The following TTC9 variants were observed in gnomAD, a reference collection of about 807,000 sequenced individuals.
TTC9 encodes the protein tetratricopeptide repeat domain 9.
TTC9 carries 13 observed loss-of-function variants against 22.9 expected under a neutral mutation model. That is an observed-to-expected ratio of 0.57 (90% CI 0.37 to 0.90). The LOEUF is 0.90. Ranked by LOEUF, TTC9 falls within the 40% of genes least tolerant of loss-of-function variation. The pLI is 0.01. For missense variants in TTC9, 280 were observed against 291.8 expected, an observed-to-expected ratio of 0.96 and a Z score of 0.29; for synonymous variants, 148 against 133.2, an observed-to-expected ratio of 1.11 and a Z score of -0.77.
At chr14:70,655,710 T>G (rs1460288714) in intron 1 of TTC9, among the ~76,000 whole-genome samples, 1 of 152,224 alleles carries the variant, frequency 6.6e-6, no homozygotes, top group Non-Finnish European at 1.5e-5. Context: ...CTCGACTTCC[T>G]GTTGCTGCTA....
intron 1 of TTC9, among the ~76,000 whole-genome samples, chr14:70,645,586 T>C (rs1885891223): frequency 6.6e-6 from 1 of 152,240 alleles, no homozygotes; most frequent in African/African-American, 2.4e-5. Context: ...GAAGGAAAGA[T>C]GATCACTGGT....
At chr14:70,659,878 A>C (rs189574476) in intron 1 of TTC9, among the ~76,000 whole-genome samples, 2 of 152,168 alleles carry the variant, frequency 1.3e-5, no homozygotes, top group East Asian at 1.9e-4. Flanking sequence ...ACTTACTAGC[A>C]TTGTGACTTT....
intron 1 of TTC9, among the ~76,000 whole-genome samples, chr14:70,648,582 T>C (rs771044212): frequency 5.9e-5 from 9 of 152,214 alleles, no homozygotes; most frequent in Non-Finnish European, 8.8e-5. Context: ...GAGCTTTCAC[T>C]GGTTGTGGGT....
rs1281010182 is a variant in TTC9, at chr14:70,642,337, G to C, written c.208G>C (p.Asp70His). 6 of 1,597,424 alleles carry C rather than the reference G, an allele frequency of 3.8e-6. No individual in the cohort carries two copies. The highest frequency in any genetic ancestry group is 2.3e-5 in the East Asian group (1 of 43,688). ...AAGCCAAGGGGCGCAGTGCTACAAG[G>C]ACAAGAAATTCCGTGAAGCCATAGG... ...FKSQGAQCYK[D>H]KKFREAIGKY... The change falls in exon 1 of 3, where the codon GAC (aspartate) becomes CAC (histidine). Residue 70 changes from aspartate (D) to histidine (H), a missense_variant. By Grantham distance (81) the Asp-to-His change is moderately conservative. Transcript: ENST00000256367.
intron 1 of TTC9, among the ~76,000 whole-genome samples, chr14:70,662,565 GAGC>G (rs1886159377): frequency 2.0e-5 from 3 of 152,208 alleles, no homozygotes; most frequent in Non-Finnish European, 4.4e-5. Flanking sequence ...TTTTGAAGAG[GAGC>G]CAGTGAAACA....
At chr14:70,652,966 A>T (rs769258485) in intron 1 of TTC9, among the ~76,000 whole-genome samples, 3 of 152,262 alleles carry the variant, frequency 2.0e-5, no homozygotes, top group Non-Finnish European at 4.4e-5. Flanking sequence ...GTAATGTGGC[A>T]TAATGGAAAC....
At chr14:70,643,561 T>C (rs1466799068) in intron 1 of TTC9, among the ~76,000 whole-genome samples, 1 of 152,164 alleles carries the variant, frequency 6.6e-6, no homozygotes, top group South Asian at 2.1e-4. Context: ...TCCTAGTTCC[T>C]GACATGTGAG....
intron 1 of TTC9, among the ~76,000 whole-genome samples, chr14:70,647,006 T>C (rs1030961225): frequency 1.2e-4 from 18 of 152,236 alleles, no homozygotes; most frequent in African/African-American, 4.3e-4. Context: ...AGCTTTTCTC[T>C]TTCTTTTGTT....
At chr14:70,643,671 T>G (rs978956194) in intron 1 of TTC9, among the ~76,000 whole-genome samples, 1 of 151,854 alleles carries the variant, frequency 6.6e-6, no homozygotes, top group African/African-American at 2.4e-5. Context: ...GAGGCAGTGG[T>G]GGGGGAGTAA....
At position 70,642,424 on chromosome 14, in the gene TTC9, C is replaced by T. The variant is rs771672160; in HGVS notation, c.295C>T (p.Arg99Trp). ...GLLPPPGERE[R>W]DSRPASPAGA... ...GCTGCCGCCCCCCGGGGAACGGGAG[C>T]GGGACTCGCGCCCGGCCTCCCCGGC... The change falls in exon 1 of 3, where the codon CGG (arginine) becomes TGG (tryptophan). Residue 99 changes from arginine (R) to tryptophan (W), a missense_variant. Arg to Trp is a moderately radical substitution (Grantham distance 101, BLOSUM62 -3). Coordinates refer to ENST00000256367, the MANE Select transcript of TTC9 (RefSeq NM_015351.2). 1.3e-6 allele frequency: 2 copies of T among 1,584,898 alleles called. No individual in the cohort carries two copies. Among genetic ancestry groups the T allele is most frequent in the Non-Finnish European group, 1.7e-6 (2 of 1,166,966 alleles).
At chr14:70,664,716 G>A (rs1462769148) in intron 1 of TTC9, among the ~76,000 whole-genome samples, 7 of 126,444 alleles carry the variant, frequency 5.5e-5, no homozygotes, top group African/African-American at 1.8e-4. Flanking sequence ...GCAATAGAGC[G>A]TGACTCCATT....
chr14:70,642,555 C>A lies in TTC9; in HGVS notation c.406+20C>A, dbSNP rs746680407. The A allele has an allele frequency of 3.9e-6, 6 of 1,527,802 alleles. No homozygotes were observed. The South Asian group carries it at 6.0e-5, about 15-fold the overall frequency. The allele number at this position is 1,527,802 out of a possible 1,614,324, so 94.6% of individuals were successfully genotyped here. ...TGGCAGGTGAGCCGCGCCGCGCCCC[C>A]CGCGCCGCGGTCCCCGTTCTTCGGC... On this transcript the variant is annotated intron_variant, in intron 1 of 2. Coordinates refer to ENST00000256367, the MANE Select transcript of TTC9 (RefSeq NM_015351.2).
intron 1 of TTC9, among the ~76,000 whole-genome samples, chr14:70,648,774 A>C (rs760354487): frequency 3.3e-5 from 5 of 152,240 alleles, no homozygotes; most frequent in Admixed American, 6.5e-5. Flanking sequence ...CGTTTCACCC[A>C]GATGATTAGT....
intron 1 of TTC9, among the ~76,000 whole-genome samples, chr14:70,645,098 C>T (rs1305884500): frequency 3.3e-5 from 5 of 151,688 alleles, no homozygotes; most frequent in Non-Finnish European, 5.9e-5. Flanking sequence ...GGCGACAGAA[C>T]GAGACTCTGT....
intron 1 of TTC9, among the ~76,000 whole-genome samples, chr14:70,655,360 C>T (rs1442016500): frequency 6.6e-6 from 1 of 151,376 alleles, no homozygotes; most frequent in Non-Finnish European, 1.5e-5. Flanking sequence ...CGCCACTGCT[C>T]TCCAAGCGTC....
intron 1 of TTC9, among the ~76,000 whole-genome samples, chr14:70,653,033 A>T (rs1041251725): frequency 6.6e-6 from 1 of 152,224 alleles, no homozygotes; most frequent in Non-Finnish European, 1.5e-5. Flanking sequence ...TTCTTCCTCC[A>T]TTAACCTTGG....
In TTC9 at chr14:70,646,180, G is replaced by A. The variant is rs185121312; in HGVS notation, c.406+3645G>A. ...CTGGCCAGTTGTGCTGGGCCCCTGG[G>A]TGTAATTTTTGCGTATCTTGTTTTC... On this transcript the variant is annotated intron_variant, in intron 1 of 2. Transcript: ENST00000256367. Among the ~76,000 whole-genome samples the A allele has an allele frequency of 3.3e-5, 5 of 152,292 alleles. No homozygotes were observed. The East Asian group carries it at 9.6e-4, about 29-fold the overall frequency.
At position 70,673,569 on chromosome 14, in the gene TTC9, C is replaced by T. The variant is rs61977961; in HGVS notation, c.*2414C>T. 8,259 of 151,432 alleles carry T rather than the reference C, an allele frequency of 0.055. 267 individuals are homozygous for T. The highest frequency in any genetic ancestry group is 0.06 in the South Asian group (288 of 4,764). 9.4% of individuals were successfully genotyped at this position (151,432 alleles called of 1,614,324 possible). The stretch of plus-strand genomic sequence containing the variant: ...CACACGGGAATGTGTTCAAACGCCC[C>T]GACCCCCACCCCCACCCCCATTCCC... On this transcript the variant is annotated 3_prime_UTR_variant, in exon 3 of 3. Transcript: ENST00000256367.
chr14:70,659,613 G>A (rs1886117660), intron 1 of TTC9, among the ~76,000 whole-genome samples: 1 of 152,154 alleles, frequency 6.6e-6, no homozygotes, highest in Non-Finnish European at 1.5e-5. Flanking sequence ...GGAACTAGTG[G>A]GAGAGAAGGT....
Sources: gnomAD v4.1 joint callset for allele counts (sites outside exome capture counted in the v4.1 genomes callset) on GRCh38, gnomAD v4.1.1 for gene constraint, MANE v1.5 for transcripts, NCBI Gene and HGNC (gene_info 2026-07-23, HGNC 2026-07-21) for gene names.